The following HDAC9 variants were observed in gnomAD, a reference collection of about 807,000 sequenced individuals.
The protein encoded by HDAC9 is MEF-2 interacting transcription repressor (MITR) protein.
Under a neutral mutation model 139.4 loss-of-function variants are expected in HDAC9, and 41 were observed. That is an observed-to-expected ratio of 0.29 (90% CI 0.23 to 0.38). HDAC9 has a LOEUF of 0.38. Ranked by LOEUF, HDAC9 falls within the 10% of genes least tolerant of loss-of-function variation. HDAC9 has a pLI of 1.00. For synonymous variants in HDAC9, 517 were observed against 476.2 expected, an observed-to-expected ratio of 1.09 and a Z score of -1.12; for missense variants, 1,147 against 1,297.0, an observed-to-expected ratio of 0.88 and a Z score of 1.78.
chr7:18,218,759 G>A (rs1015334148), intron 2 of HDAC9, among the ~76,000 whole-genome samples: 4 of 152,048 alleles, frequency 2.6e-5, no homozygotes, highest in African/African-American at 9.7e-5. Flanking sequence ...TTATATGTTT[G>A]CTTAGTATCC....
intron 2 of HDAC9, among the ~76,000 whole-genome samples, chr7:18,200,637 A>G (rs530446883): frequency 6.6e-6 from 1 of 152,330 alleles, no homozygotes; most frequent in East Asian, 1.9e-4. Context: ...GTAGACTAAC[A>G]CCATCGAGCA....
rs1359983589 is a variant in HDAC9, at chr7:18,301,965, A to T, written c.-42+11450A>T. Among the ~76,000 whole-genome samples, 4 of 152,208 alleles carry T rather than the reference A, an allele frequency of 2.6e-5. No homozygotes were observed. The South Asian group carries it at 8.3e-4, about 32-fold the overall frequency. On this transcript the variant is annotated intron_variant, in intron 1 of 3. Transcript: ENST00000413509. ...ATTTTTGTGCATATGCATTTGACCA[A>T]GTAATTTATTTAAATGATTTAAATG...
At chr7:18,427,057 C>G (rs912888390) in intron 1 of HDAC9, among the ~76,000 whole-genome samples, 5 of 152,104 alleles carry the variant, frequency 3.3e-5, no homozygotes, top group Admixed American at 3.3e-4. Context: ...AGGAGCTCAA[C>G]TCTTTGATCC....
intron 1 of HDAC9, among the ~76,000 whole-genome samples, chr7:18,434,925 A>G (rs1791032735): frequency 6.6e-6 from 1 of 152,094 alleles, no homozygotes; most frequent in African/African-American, 2.4e-5. Flanking sequence ...TTTCCACCAT[A>G]AAGACACATG....
Position 18,874,545 on chromosome 7 carries a change from G to A in HDAC9, c.2752G>A (p.Ala918Thr), listed in dbSNP as rs1408378498. 1 of 1,595,668 alleles carries A rather than the reference G, an allele frequency of 6.3e-7. No individual in the cohort carries two copies. Among genetic ancestry groups the A allele is most frequent in the Non-Finnish European group, 8.5e-7 (1 of 1,170,148 alleles). ...GGTCTTAGTATCTGCTGGATTTGAT[G>A]CATTGGAAGGCCACACCCCTCCTCT... ...DMVLVSAGFD[A>T]LEGHTPPLGG... Residue 918 changes from alanine (A) to threonine (T), a missense_variant, in exon 22 of 26, where the codon GCA (alanine) becomes ACA (threonine). Coordinates refer to ENST00000686413, the MANE Select transcript of HDAC9 (RefSeq NM_178425.4).
chr7:18,183,681 C>A (rs905910253), intron 2 of HDAC9, among the ~76,000 whole-genome samples: 1 of 152,092 alleles, frequency 6.6e-6, no homozygotes, highest in African/African-American at 2.4e-5. Context: ...ATGGGGGTCT[C>A]GCTATGTTGC....
At chr7:18,307,287 G>GA (rs1300543859) in intron 1 of HDAC9, among the ~76,000 whole-genome samples, 4 of 152,072 alleles carry the variant, frequency 2.6e-5, no homozygotes, top group Admixed American at 2.6e-4. Flanking sequence ...GTTAATCCAT[G>GA]AGTACAAAGG....
chr7:18,101,345 A>G (rs898894342), intron 1 of HDAC9, among the ~76,000 whole-genome samples: 2 of 152,054 alleles, frequency 1.3e-5, no homozygotes, highest in African/African-American at 4.8e-5. Flanking sequence ...TCAGTTTCCC[A>G]TTTCTTAGGG....
chr7:18,242,853 G>A (rs1455708914), intron 2 of HDAC9, among the ~76,000 whole-genome samples: 1 of 152,038 alleles, frequency 6.6e-6, no homozygotes, highest in Non-Finnish European at 1.5e-5. Context: ...GAATGGAAGG[G>A]TCTTACTAGA....
intron 22 of HDAC9, among the ~76,000 whole-genome samples, chr7:18,904,050 A>C (rs960709547): frequency 1.3e-5 from 2 of 152,170 alleles, no homozygotes; most frequent in African/African-American, 4.8e-5. Context: ...TACAATACAC[A>C]CAATTCCTGT....
chr7:18,922,319 C>T (rs1182996873), intron 22 of HDAC9, among the ~76,000 whole-genome samples: 1 of 151,940 alleles, frequency 6.6e-6, no homozygotes, highest in Non-Finnish European at 1.5e-5. Flanking sequence ...TATATGTTTT[C>T]TATATAATTA....
At chr7:18,448,899 TATA>T (rs1792541990) in intron 1 of HDAC9, among the ~76,000 whole-genome samples, 1 of 152,070 alleles carries the variant, frequency 6.6e-6, no homozygotes, top group South Asian at 2.1e-4. Flanking sequence ...TGCTTAAAAA[TATA>T]ATAATAAAGT....
chr7:18,995,236 C>T (rs1786366572), intron 25 of HDAC9, among the ~76,000 whole-genome samples: 2 of 152,192 alleles, frequency 1.3e-5, no homozygotes, highest in African/African-American at 4.8e-5. Context: ...AAACTCAATT[C>T]ACCCGGCATC....
chr7:18,932,819 AGAAAGAAG>A (rs1380423806), intron 22 of HDAC9, among the ~76,000 whole-genome samples: 3 of 123,168 alleles, frequency 2.4e-5, no homozygotes, highest in African/African-American at 9.3e-5. Context: ...AAAGATAGAA[AGAAAGAAG>A]GAAGGAAGGA....
rs1359929586 is a variant in HDAC9, at chr7:18,732,833, A to ATG, written c.1909+5080_1909+5081dup. On this transcript the variant is annotated intron_variant, in intron 13 of 25. Coordinates refer to ENST00000686413, the MANE Select transcript of HDAC9 (RefSeq NM_178425.4). ...TACACACACGTGTGTATGTGTGCGT[A>ATG]TGTGTACACACACGTGTGTATGTGT... Among the ~76,000 whole-genome samples the ATG allele has an allele frequency of 8.1e-5, 8 of 98,250 alleles. 1 individual carries two copies. The highest frequency in any genetic ancestry group is 1.8e-4 in the Admixed American group (2 of 11,162). The allele number at this position is 98,250 out of a possible 152,430, so 64.5% of individuals were successfully genotyped here.
At chr7:18,257,764 T>C (rs1172594567) in intron 2 of HDAC9, among the ~76,000 whole-genome samples, 2 of 152,198 alleles carry the variant, frequency 1.3e-5, no homozygotes, top group Non-Finnish European at 2.9e-5. Context: ...TACAAGTAGA[T>C]AGAGAAAACT....
intron 2 of HDAC9, among the ~76,000 whole-genome samples, chr7:18,571,968 CTTTT>C (rs756527482): frequency 7.0e-6 from 1 of 142,392 alleles, no homozygotes; most frequent in East Asian, 2.0e-4. Context: ...ACCAATGAAA[CTTTT>C]TTTTTTTTTT....
In HDAC9 at chr7:18,214,006, G is replaced by A. The variant is rs952491592; in HGVS notation, c.25+51657G>A. Among the ~76,000 whole-genome samples the A allele has an allele frequency of 1.8e-4, 28 of 151,814 alleles. 1 individual carries two copies. Among genetic ancestry groups the A allele is most frequent in the Admixed American group, 1.6e-3 (25 of 15,208 alleles). On this transcript the variant is annotated intron_variant, in intron 2 of 12. Coordinates refer to the HDAC9 transcript ENST00000417496. ...TTCATTTCCAGGATAAGTGATATTAGAACATAAACATCATTATAATAGTAG... is the reference window on the plus strand; with the variant it reads ...TTCATTTCCAGGATAAGTGATATTAAAACATAAACATCATTATAATAGTAG...
chr7:18,580,118 G>A (rs1358528278), intron 2 of HDAC9, among the ~76,000 whole-genome samples: 2 of 152,050 alleles, frequency 1.3e-5, no homozygotes, highest in Admixed American at 6.6e-5. Flanking sequence ...ACTCTTTAAC[G>A]ACCCTTGAAT....
Sources: allele counts gnomAD v4.1 joint callset (sites outside exome capture counted in the v4.1 genomes callset), GRCh38; gene constraint gnomAD v4.1.1; transcripts MANE v1.5; gene names NCBI Gene and HGNC (gene_info 2026-07-23, HGNC 2026-07-21).